RMDN1: variants seen among roughly 807,000 people sequenced by gnomAD.
RMDN1 encodes the protein regulator of microtubule dynamics protein 1.
In RMDN1, 48 loss-of-function variants were observed where a neutral mutation model predicts 48.9. The observed-to-expected ratio is 0.98, with a 90% CI of 0.78 to 1.25. The LOEUF (loss-of-function observed/expected upper bound fraction) is 1.25, where lower values mean the gene tolerates loss of function less well. Ranked by LOEUF, RMDN1 falls within the 50% of genes most tolerant of loss-of-function variation. RMDN1 has a pLI of 0.00. For missense variants in RMDN1, 418 were observed against 373.4 expected, an observed-to-expected ratio of 1.12 and a Z score of -0.98; for synonymous variants, 148 against 132.6, an observed-to-expected ratio of 1.12 and a Z score of -0.80.
intron 2 of RMDN1, among the ~76,000 whole-genome samples, chr8:86,505,624 C>T (rs1201001208): frequency 6.6e-6 from 1 of 152,162 alleles, no homozygotes; most frequent in Non-Finnish European, 1.5e-5. Context: ...CATAGGTATA[C>T]ATGTCCCATG....
chr8:86,483,252 C>T (rs1814874429), intron 5 of RMDN1, among the ~76,000 whole-genome samples: 1 of 151,950 alleles, frequency 6.6e-6, no homozygotes, highest in Admixed American at 6.5e-5. Flanking sequence ...TTATATAAAA[C>T]ATTGTTTTTT....
Position 86,480,260 on chromosome 8 carries a change from TA to T in RMDN1, c.641+16del, listed in dbSNP as rs1487735335. 1.4e-6 allele frequency: 2 copies of T among 1,396,368 alleles called. No homozygotes were observed. The highest frequency in any genetic ancestry group is 1.3e-5 in the South Asian group (1 of 75,416). 86.5% of individuals were successfully genotyped at this position (1,396,368 alleles called of 1,614,324 possible). On this transcript the variant is annotated intron_variant, in intron 6 of 9. Coordinates refer to ENST00000406452, the MANE Select transcript of RMDN1 (RefSeq NM_016033.3). ...TCACACTAAATACTACTGAAATATTTAAAGAAATTTTCTTACCAAATACCCA... is the reference window on the plus strand; with the variant it reads ...TCACACTAAATACTACTGAAATATTTAAGAAATTTTCTTACCAAATACCCA...
intron 2 of RMDN1, chr8:86,504,766 C>T (rs1312410534): frequency 9.5e-7 from 1 of 1,049,928 alleles, no homozygotes; most frequent in Non-Finnish European, 1.5e-6. Context: ...AGCCAGGGCC[C>T]CCGCCCAGCT....
intron 2 of RMDN1, chr8:86,505,218 G>T: frequency 1.5e-6 from 1 of 667,058 alleles, no homozygotes; most frequent in Non-Finnish European, 2.5e-6. Flanking sequence ...CAAGGCTGGG[G>T]TTTGTTGGAT....
At position 86,479,036 on chromosome 8, in the gene RMDN1, A is replaced by G. The variant is rs773151714; in HGVS notation, c.642-26T>C. 13 of 1,498,314 alleles carry G rather than the reference A, an allele frequency of 8.7e-6. No homozygotes were observed. The Middle Eastern group carries it at 2.2e-3, about 258-fold the overall frequency. The allele number at this position is 1,498,314 out of a possible 1,614,324, so 92.8% of individuals were successfully genotyped here. A position where few individuals can be genotyped will look rare whatever the true frequency, so the allele number is the denominator to read the frequency against. ...CTACAGGGAAATAAAACAATTTTAT[A>G]CATTCAAATTGTACCTTCTTTTCTC... On this transcript the variant is annotated intron_variant, in intron 6 of 9. Transcript: ENST00000406452.
Position 86,472,695 on chromosome 8 carries a change from G to C in RMDN1, c.*1613C>G, listed in dbSNP as rs1222259074. On this transcript the variant is annotated 3_prime_UTR_variant, in exon 10 of 10. Coordinates refer to ENST00000406452, the MANE Select transcript of RMDN1 (RefSeq NM_016033.3). ...CCATCCTTGTTCCTGTGCGAGTTAT[G>C]TCATATTTTTTACTGTTAAGTACTT... 2 of 530,718 alleles carry C rather than the reference G, an allele frequency of 3.8e-6. No homozygotes were observed. Among genetic ancestry groups the C allele is most frequent in the East Asian group, 6.1e-5 (2 of 32,972 alleles). 32.9% of individuals were successfully genotyped at this position (530,718 alleles called of 1,614,324 possible).
intron 2 of RMDN1, among the ~76,000 whole-genome samples, chr8:86,498,011 G>A (rs946116683): frequency 5.9e-5 from 9 of 152,116 alleles, no homozygotes; most frequent in Non-Finnish European, 1.0e-4. Context: ...CATGAGAGTC[G>A]CTTGAACCCG....
chr8:86,509,375 A>T (rs1586811759), upstream of RMDN1, among the ~76,000 whole-genome samples: 1 of 152,152 alleles, frequency 6.6e-6, no homozygotes, highest in South Asian at 2.1e-4. Context: ...ATTTTACTCG[A>T]GTAAAATAAA....
intron 6 of RMDN1, 70 bp from the exon 7 acceptor site, chr8:86,479,080 C>T: frequency 9.0e-7 from 1 of 1,115,600 alleles, no homozygotes. Flanking sequence ...AACTAAGCAT[C>T]TTAATACTAT....
At chr8:86,492,688 TAAA>T (rs1816708178) in intron 2 of RMDN1, among the ~76,000 whole-genome samples, 1 of 131,780 alleles carries the variant, frequency 7.6e-6, no homozygotes, top group African/African-American at 2.6e-5. Flanking sequence ...ATAATAATAA[TAAA>T]GAGATAATGA....
rs1814661679 is a variant in RMDN1 at position 86,482,429 on chromosome 8, A to T, written c.586-2097T>A. On this transcript the variant is annotated intron_variant, in intron 5 of 9. Coordinates refer to ENST00000406452, the MANE Select transcript of RMDN1 (RefSeq NM_016033.3). Reference sequence around the variant, plus strand: ...CAAAAAAAAGAAAGGAGGCTCTGTAAATCTTTGCAGTCTTAAGTTGACAGC... The same window carrying T: ...CAAAAAAAAGAAAGGAGGCTCTGTATATCTTTGCAGTCTTAAGTTGACAGC... 16 of 455,346 alleles carry T rather than the reference A, an allele frequency of 3.5e-5. 1 individual carries two copies. The highest frequency in any genetic ancestry group is 3.1e-4 in the South Asian group (15 of 49,044). 28.2% of individuals were successfully genotyped at this position (455,346 alleles called of 1,614,324 possible). A position where few individuals can be genotyped will look rare whatever the true frequency, so the allele number is the denominator to read the frequency against.
At chr8:86,469,185 G>C (rs567475259), downstream of RMDN1, among the ~76,000 whole-genome samples, 3 of 150,082 alleles carry the variant, frequency 2.0e-5, no homozygotes, top group East Asian at 4.0e-4. Flanking sequence ...TGTTTGTCCC[G>C]CCCCCCCCAT....
At chr8:86,508,400 A>G (rs924184487) in intron 1 of RMDN1, 92 bp downstream of exon 1, 21 of 1,365,878 alleles carry the variant, frequency 1.5e-5, no homozygotes, top group Non-Finnish European at 2.1e-5. Context: ...CACATTCCTT[A>G]GGCAGCGCGG....
In RMDN1 at chr8:86,507,088, T is replaced by C; in HGVS notation, c.154A>G (p.Lys52Glu). 1 of 1,609,444 alleles carries C rather than the reference T, an allele frequency of 6.2e-7. No homozygotes were observed. ...FEVMGNPGTFKRGLLLSALSY... is the reference protein window; with the variant it reads ...FEVMGNPGTFERGLLLSALSY... Reference sequence around the variant, plus strand: ...AAAGCTGAGAGTAAAAGGCCTCTTTTGAAAGTTCCTGGGTTTCCCATTACC... The same window carrying C: ...AAAGCTGAGAGTAAAAGGCCTCTTTCGAAAGTTCCTGGGTTTCCCATTACC... The change falls in exon 2 of 10, where the codon AAA (lysine) becomes GAA (glutamate). Residue 52 changes from lysine to glutamate, a missense_variant. Lys to Glu is a moderately conservative substitution (Grantham distance 56, BLOSUM62 1). Coordinates refer to ENST00000406452, the MANE Select transcript of RMDN1 (RefSeq NM_016033.3).
At chr8:86,477,861 A>G (rs984365781) in intron 7 of RMDN1, among the ~76,000 whole-genome samples, 17 of 151,742 alleles carry the variant, frequency 1.1e-4, no homozygotes, top group African/African-American at 4.1e-4. Context: ...AGAGCTGACT[A>G]TATTTTTTGT....
intron 3 of RMDN1, 68 bp downstream of exon 3, chr8:86,488,484 C>T (rs1169929777): frequency 1.2e-6 from 1 of 857,210 alleles, no homozygotes; most frequent in Non-Finnish European, 1.8e-6. Context: ...CACTAAGGGT[C>T]ATTTTAATTG....
intron 2 of RMDN1, chr8:86,504,360 G>GT: frequency 6.4e-7 from 1 of 1,572,268 alleles, no homozygotes; most frequent in Non-Finnish European, 8.7e-7. Context: ...CCGTGCTGGA[G>GT]TTCTTTAGAG....
chr8:86,478,293 T>C (rs1471743243), intron 7 of RMDN1: 1 of 152,222 alleles, frequency 6.6e-6, no homozygotes, highest in Non-Finnish European at 1.5e-5. Context: ...CATCAATTTC[T>C]ACACTATAGC....
chr8:86,504,033 T>C, intron 2 of RMDN1: 2 of 797,232 alleles, frequency 2.5e-6, no homozygotes, highest in South Asian at 2.7e-5. Context: ...CCCTGCAGGG[T>C]ACCTTTGGCA....
Sources: allele counts gnomAD v4.1 joint callset (sites outside exome capture counted in the v4.1 genomes callset), GRCh38; gene constraint gnomAD v4.1.1; transcripts MANE v1.5; gene names NCBI Gene and HGNC (gene_info 2026-07-23, HGNC 2026-07-21).